Variants in SLIT3 observed in about 807,000 individuals in gnomAD.
The protein encoded by SLIT3 is slit homolog 3 protein.
Under a neutral mutation model 184.0 loss-of-function variants are expected in SLIT3, and 68 were observed. That is an observed-to-expected ratio of 0.37 (90% CI 0.30 to 0.45). The LOEUF (loss-of-function observed/expected upper bound fraction) is 0.45, where lower values mean the gene tolerates loss of function less well. Ranked by LOEUF, SLIT3 falls within the 20% of genes least tolerant of loss-of-function variation. The pLI, the probability that SLIT3 is intolerant of heterozygous loss-of-function variation, is 1.00. For synonymous variants in SLIT3, 831 were observed against 828.6 expected (o/e 1.00, Z -0.05); for missense variants, 1,707 against 2,026.0 (o/e 0.84, Z 3.02).
intron 1 of SLIT3, among the ~76,000 whole-genome samples, chr5:169,260,414 G>A (rs938705985): frequency 4.6e-5 from 7 of 152,308 alleles, no homozygotes; most frequent in African/African-American, 1.4e-4. Context: ...GAGCTAAGCA[G>A]GGGATGCAGG....
chr5:168,927,354 T>C (rs1396906145), intron 4 of SLIT3, among the ~76,000 whole-genome samples: 1 of 151,784 alleles, frequency 6.6e-6, no homozygotes, highest in Non-Finnish European at 1.5e-5. Context: ...GTTTCCAGGG[T>C]TTGGGGGTAG....
intron 4 of SLIT3, among the ~76,000 whole-genome samples, chr5:169,116,365 G>A (rs1308726458): frequency 2.0e-5 from 3 of 152,160 alleles, no homozygotes; most frequent in Admixed American, 6.5e-5. Flanking sequence ...ATCATACTGT[G>A]TAGGGATGCA....
At chr5:168,834,670 C>T (rs945037625) in intron 6 of SLIT3, among the ~76,000 whole-genome samples, 6 of 104,438 alleles carry the variant, frequency 5.7e-5, no homozygotes, top group Non-Finnish European at 8.7e-5. Flanking sequence ...CTGGGACACA[C>T]AGCGAGACTC....
At chr5:169,045,787 C>T (rs1384172879) in intron 4 of SLIT3, among the ~76,000 whole-genome samples, 2 of 152,204 alleles carry the variant, frequency 1.3e-5, no homozygotes, top group Non-Finnish European at 2.9e-5. Flanking sequence ...TTGTGGCCTA[C>T]ACTTCATGTT....
intron 4 of SLIT3, among the ~76,000 whole-genome samples, chr5:168,889,058 C>A (rs181242505): frequency 6.6e-6 from 1 of 152,228 alleles, no homozygotes; most frequent in East Asian, 1.9e-4. Flanking sequence ...TATATAGTAA[C>A]CCAGTGACAC....
At chr5:168,851,979 T>C (rs1328531365) in intron 5 of SLIT3, among the ~76,000 whole-genome samples, 1 of 152,224 alleles carries the variant, frequency 6.6e-6, no homozygotes, top group Non-Finnish European at 1.5e-5. Context: ...TGAAAGTCAC[T>C]GAAACATTGG....
intron 10 of SLIT3, chr5:168,790,889 C>T (rs951266895): frequency 9.2e-5 from 14 of 152,264 alleles, no homozygotes; most frequent in Non-Finnish European, 1.6e-4. Flanking sequence ...TTTGCTGAGG[C>T]CTCTACTTCC....
intron 4 of SLIT3, among the ~76,000 whole-genome samples, chr5:168,913,795 A>C (rs1045011015): frequency 6.6e-6 from 1 of 152,058 alleles, no homozygotes; most frequent in South Asian, 2.1e-4. Context: ...ACGTAAAATG[A>C]AAAGTAAAAC....
At chr5:169,117,640 T>C (rs1760724055) in intron 4 of SLIT3, among the ~76,000 whole-genome samples, 1 of 152,092 alleles carries the variant, frequency 6.6e-6, no homozygotes, top group African/African-American at 2.4e-5. Context: ...TAAGAGAAGG[T>C]GTTAGCCAGA....
intron 5 of SLIT3, among the ~76,000 whole-genome samples, chr5:168,868,747 C>CAAAAAAAAAAAAAAAAAAAAAAAAAAAA (rs375837097): frequency 1.4e-5 from 1 of 69,324 alleles, no homozygotes; most frequent in African/African-American, 5.4e-5. Context: ...GAATCTGCCT[C>CAAAAAAAAAAAAAAAAAAAAAAAAAAAA]AAAAAAAAAA....
At chr5:168,758,622 G>A (rs966791854) in intron 16 of SLIT3, among the ~76,000 whole-genome samples, 20 of 152,158 alleles carry the variant, frequency 1.3e-4, no homozygotes, top group African/African-American at 3.9e-4. Flanking sequence ...GCCCCCCAAC[G>A]TGCTCTCCAC....
chr5:169,073,776 A>G (rs1758637680), intron 4 of SLIT3, among the ~76,000 whole-genome samples: 1 of 152,072 alleles, frequency 6.6e-6, no homozygotes, highest in Admixed American at 6.5e-5. Context: ...CACCTTCTGC[A>G]ATGATTGTAA....
chr5:168,945,069 T>C (rs1051739612), intron 4 of SLIT3, among the ~76,000 whole-genome samples: 3 of 152,040 alleles, frequency 2.0e-5, no homozygotes, highest in South Asian at 2.1e-4. Flanking sequence ...GCTCAGAAGA[T>C]TGGCAACACT....
At chr5:168,733,232 AG>A (rs2113404143) in intron 20 of SLIT3, among the ~76,000 whole-genome samples, 1 of 152,298 alleles carries the variant, frequency 6.6e-6, no homozygotes, top group South Asian at 2.1e-4. Context: ...TCAGAACCAC[AG>A]TGAGATACCA....
intron 13 of SLIT3, among the ~76,000 whole-genome samples, chr5:168,773,901 G>T (rs564768189): frequency 2.0e-5 from 3 of 152,136 alleles, no homozygotes; most frequent in African/African-American, 7.2e-5. Flanking sequence ...TTCAAAACCT[G>T]CTCCTTACTA....
At chr5:169,030,652 G>A (rs1482155100) in intron 4 of SLIT3, among the ~76,000 whole-genome samples, 2 of 152,322 alleles carry the variant, frequency 1.3e-5, no homozygotes, top group Admixed American at 1.3e-4. Flanking sequence ...CTAAGGAGAA[G>A]AAACCCTATC....
chr5:169,208,061 C>A (rs889264091), intron 3 of SLIT3, among the ~76,000 whole-genome samples: 1 of 152,080 alleles, frequency 6.6e-6, no homozygotes, highest in African/African-American at 2.4e-5. Flanking sequence ...TGTTTGCTTA[C>A]CTGGGGGCAA....
Position 168,753,050 on chromosome 5 carries a change from G to A in SLIT3, c.1878C>T (p.Ala626=), listed in dbSNP as rs543458199. 1.4e-5 allele frequency: 23 copies of A among 1,614,070 alleles called. No homozygotes were observed. The highest frequency in any genetic ancestry group is 9.3e-5 in the African/African-American group (7 of 75,018). Residue 626 remains alanine (A), a synonymous_variant, in exon 18 of 36, where the codon GCC becomes GCT. Coordinates refer to ENST00000519560, the MANE Select transcript of SLIT3 (RefSeq NM_003062.4). ...LIGCVSNDTF[A]GLSSVRLLSL... is the part of the protein sequence containing the mutation. ...ACAGCAGTCTCACCGAACTCAGGCC[G>A]GCAAAGGTGTCATTACTCACACAGC...
intron 6 of SLIT3, among the ~76,000 whole-genome samples, chr5:168,825,247 T>G (rs989790647): frequency 2.6e-5 from 4 of 152,058 alleles, no homozygotes; most frequent in Non-Finnish European, 5.9e-5. Flanking sequence ...CCCATGGAAA[T>G]AGAGGTTTAC....
Sources: gnomAD v4.1 joint callset for allele counts (sites outside exome capture counted in the v4.1 genomes callset) on GRCh38, gnomAD v4.1.1 for gene constraint, MANE v1.5 for transcripts, NCBI Gene and HGNC (gene_info 2026-07-23, HGNC 2026-07-21) for gene names.